Variants in FNDC3B observed in about 807,000 individuals in gnomAD.
FNDC3B encodes fibronectin type III domain-containing protein 3B.
FNDC3B carries 12 observed loss-of-function variants against 151.5 expected under a neutral mutation model. The ratio of observed to expected loss-of-function variants is 0.08; its 90% confidence interval spans 0.05 to 0.13. The LOEUF is 0.13. Ranked by LOEUF, FNDC3B falls within the 10% of genes least tolerant of loss-of-function variation. The probability of loss-of-function intolerance (pLI) is 1.00; values close to 1 mark genes in which losing one functional copy is unlikely to be tolerated. For missense variants in FNDC3B, 1,214 were observed against 1,505.3 expected (o/e 0.81, Z 3.20); for synonymous variants, 528 against 549.0 (o/e 0.96, Z 0.54).
chr3:172,378,255 T>G lies in FNDC3B; in HGVS notation c.3009-15T>G, dbSNP rs1463882393. ...AGACGTTCAGATGGCTAATTGATTC[T>G]GCTCCTTCTTCTAGGTTTATTTCAA... is the stretch of plus-strand genomic sequence containing the variant. On this transcript the variant is annotated splice_polypyrimidine_tract_variant and intron_variant, in intron 23 of 25. Transcript: ENST00000415807. 1 of 1,565,146 alleles carries G rather than the reference T, an allele frequency of 6.4e-7. No individual in the cohort carries two copies. Among genetic ancestry groups the G allele is most frequent in the Non-Finnish European group, 8.6e-7 (1 of 1,159,674 alleles).
chr3:172,228,357 G>A (rs1280480927), intron 4 of FNDC3B, among the ~76,000 whole-genome samples: 1 of 152,172 alleles, frequency 6.6e-6, no homozygotes, highest in Non-Finnish European at 1.5e-5. Flanking sequence ...CCATTGAATA[G>A]AGTACAGTTC....
Position 172,347,228 on chromosome 3 carries a change from G to C in FNDC3B, c.2381G>C (p.Gly794Ala), listed in dbSNP as rs1236329906. 1.2e-6 allele frequency: 2 copies of C among 1,613,182 alleles called. No homozygotes were observed. Among genetic ancestry groups the C allele is most frequent in the Non-Finnish European group, 1.7e-6 (2 of 1,179,636 alleles). Residue 794 changes from glycine to alanine, a missense_variant, in exon 21 of 26, where the codon GGT (glycine) becomes GCT (alanine). Physicochemically the swap from Gly to Ala is moderately conservative, Grantham distance 60. Transcript: ENST00000415807. ...CCTTTCCAGAGTCCTGATAGTTCTG[G>C]TGCTGACATCTCAGAGTACAGGTTG... ...LVGWESPDSSGADISEYRLEW... is the reference protein window; with the variant it reads ...LVGWESPDSSAADISEYRLEW...
chr3:172,311,593 G>A (rs116911393), intron 11 of FNDC3B, among the ~76,000 whole-genome samples: 2 of 152,032 alleles, frequency 1.3e-5, no homozygotes, highest in East Asian at 1.9e-4. Context: ...TAGGTCGGGC[G>A]CGATGACTCA....
chr3:172,072,339 G>A lies in FNDC3B; in HGVS notation c.-29+32568G>A, dbSNP rs117929814. Among the ~76,000 whole-genome samples the A allele has an allele frequency of 8.8e-4, 133 of 151,688 alleles. 3 individuals are homozygous for A. The East Asian group carries it at 0.023, about 26-fold the overall frequency. ...AGACCTGGGAGAATTTGTAGTTTGCGTTTCCTGGGGTAATGACAATATCTT... is the reference window on the plus strand; with the variant it reads ...AGACCTGGGAGAATTTGTAGTTTGCATTTCCTGGGGTAATGACAATATCTT... On this transcript the variant is annotated intron_variant, in intron 1 of 25. Coordinates refer to ENST00000415807, the MANE Select transcript of FNDC3B (RefSeq NM_022763.4).
intron 3 of FNDC3B, among the ~76,000 whole-genome samples, chr3:172,151,098 A>C (rs868482922): frequency 2.6e-5 from 4 of 152,354 alleles, no homozygotes; most frequent in Middle Eastern, 3.4e-3. Flanking sequence ...CATACAAGTC[A>C]TAATCTTGTG....
At chr3:172,281,019 C>G (rs1729682013) in intron 6 of FNDC3B, among the ~76,000 whole-genome samples, 1 of 151,492 alleles carries the variant, frequency 6.6e-6, no homozygotes, top group Non-Finnish European at 1.5e-5. Flanking sequence ...AGACTTGTGT[C>G]TCTAAGCTGA....
chr3:172,110,341 T>C (rs1274972935), intron 1 of FNDC3B, among the ~76,000 whole-genome samples: 1 of 152,020 alleles, frequency 6.6e-6, no homozygotes, highest in Non-Finnish European at 1.5e-5. Flanking sequence ...GAGCTGCAAA[T>C]CCAAGTGTTC....
intron 3 of FNDC3B, among the ~76,000 whole-genome samples, chr3:172,205,133 GCATATATAACC>G (rs1725358199): frequency 6.6e-6 from 1 of 152,038 alleles, no homozygotes; most frequent in African/African-American, 2.4e-5. Flanking sequence ...GATTTTTTTG[GCATATATAACC>G]CATAAAAGTT....
At chr3:172,177,240 T>C (rs1171236204) in intron 3 of FNDC3B, among the ~76,000 whole-genome samples, 1 of 152,216 alleles carries the variant, frequency 6.6e-6, no homozygotes, top group Non-Finnish European at 1.5e-5. Context: ...TTTGTTACTG[T>C]TAAGTATTCG....
chr3:172,138,231 T>C (rs932784751), intron 3 of FNDC3B, among the ~76,000 whole-genome samples: 14 of 152,250 alleles, frequency 9.2e-5, no homozygotes, highest in Non-Finnish European at 1.9e-4. Flanking sequence ...GTTATATGCG[T>C]AAACCTTTCC....
chr3:172,231,282 T>C (rs191220080), intron 4 of FNDC3B, among the ~76,000 whole-genome samples: 1 of 152,288 alleles, frequency 6.6e-6, no homozygotes, highest in African/African-American at 2.4e-5. Context: ...AATAAATCAA[T>C]GGTTGCCAGG....
intron 25 of FNDC3B, among the ~76,000 whole-genome samples, chr3:172,387,632 C>A (rs992783374): frequency 3.3e-5 from 5 of 151,940 alleles, no homozygotes; most frequent in Non-Finnish European, 7.4e-5. Context: ...AGGTCATGAC[C>A]CCTTATATCA....
intron 1 of FNDC3B, among the ~76,000 whole-genome samples, chr3:172,055,016 T>G (rs1209508320): frequency 6.6e-6 from 1 of 152,218 alleles, no homozygotes; most frequent in South Asian, 2.1e-4. Flanking sequence ...TTATATTTCT[T>G]TAAAATTGCT....
At chr3:172,251,196 C>T (rs938439934) in intron 5 of FNDC3B, 64 bp from the exon 6 acceptor site, 1 of 1,266,128 alleles carries the variant, frequency 7.9e-7, no homozygotes, top group Non-Finnish European at 1.1e-6. Flanking sequence ...ATCATTTGAC[C>T]ATTTAATAAT....
chr3:172,242,557 C>A (rs1373471177), intron 4 of FNDC3B, among the ~76,000 whole-genome samples: 2 of 152,178 alleles, frequency 1.3e-5, no homozygotes, highest in African/African-American at 4.8e-5. Flanking sequence ...GAAGCCACAG[C>A]CTGAGCTGTA....
chr3:172,051,957 A>G (rs6803129), intron 1 of FNDC3B, among the ~76,000 whole-genome samples: 7 of 152,114 alleles, frequency 4.6e-5, no homozygotes, highest in African/African-American at 1.4e-4. Flanking sequence ...AATTATGTAC[A>G]TTTTGTTTGT....
rs185544803 is a variant in FNDC3B at position 172,290,660 on chromosome 3, C to T, written c.849+4676C>T. On this transcript the variant is annotated intron_variant, in intron 7 of 25. Coordinates refer to ENST00000415807, the MANE Select transcript of FNDC3B (RefSeq NM_022763.4). ...TCGGTTCCAGAAGCGAGTAAACTGA[C>T]CTGCGAGGAACACTTCCCCTGTAAG... Among the ~76,000 whole-genome samples, 1,134 of 152,272 alleles carry T rather than the reference C, an allele frequency of 7.4e-3. 5 individuals are homozygous for T. Among genetic ancestry groups the T allele is most frequent in the Non-Finnish European group, 0.012 (849 of 68,018 alleles).
intron 8 of FNDC3B, 139 bp from the exon 9 acceptor site, chr3:172,298,589 A>G: frequency 2.0e-6 from 1 of 505,400 alleles, no homozygotes; most frequent in Non-Finnish European, 3.5e-6. Flanking sequence ...TCAAATAAGA[A>G]AGTTTATTTC....
intron 11 of FNDC3B, among the ~76,000 whole-genome samples, chr3:172,314,610 G>T (rs1731684187): frequency 6.6e-6 from 1 of 152,222 alleles, no homozygotes; most frequent in African/African-American, 2.4e-5. Context: ...GCAATAAAAT[G>T]AGTAGAGTAA....
Sources: allele counts gnomAD v4.1 joint callset (sites outside exome capture counted in the v4.1 genomes callset), GRCh38; gene constraint gnomAD v4.1.1; transcripts MANE v1.5; gene names NCBI Gene and HGNC (gene_info 2026-07-23, HGNC 2026-07-21).